Variants in ATP10B observed in about 807,000 individuals in gnomAD.
ATP10B encodes ATPase phospholipid transporting 10B (putative), also known as phospholipid-transporting ATPase VB.
A neutral mutation model predicts 141.2 loss-of-function variants in ATP10B; 122 were observed. The observed-to-expected ratio is 0.86, with a 90% CI of 0.75 to 1.00. The LOEUF is 1.00. Among genes scored for constraint, ATP10B ranks in the 50% least tolerant of loss-of-function variants. The pLI, the probability that ATP10B is intolerant of heterozygous loss-of-function variation, is 0.00. For missense variants in ATP10B, 1,876 were observed against 1,825.3 expected (o/e 1.03, Z -0.51); for synonymous variants, 685 against 692.0 (o/e 0.99, Z 0.16).
intron 16 of ATP10B, among the ~76,000 whole-genome samples, chr5:160,617,131 A>G (rs6556506): frequency 0.73 from 110,344 of 152,100 alleles, 40,676 homozygotes; most frequent in East Asian, 0.84. Context: ...GATTTATGCA[A>G]GAGAACCCAT....
chr5:160,617,122 A>G (rs1486298643), intron 16 of ATP10B, among the ~76,000 whole-genome samples: 2 of 152,168 alleles, frequency 1.3e-5, no homozygotes, highest in Admixed American at 1.3e-4. Flanking sequence ...AGTCCTGGGG[A>G]TTTATGCAAG....
At chr5:160,909,740 G>A in the ATP10B span, among the ~76,000 whole-genome samples, 7 of 152,108 alleles carry the variant, frequency 4.6e-5, no homozygotes, top group Non-Finnish European at 8.8e-5. Flanking sequence ...GCTAAGTGAC[G>A]ATAACGTATT....
chr5:160,754,568 T>G (rs1768381766), intron 2 of ATP10B, among the ~76,000 whole-genome samples: 1 of 152,240 alleles, frequency 6.6e-6, no homozygotes, highest in African/African-American at 2.4e-5. Context: ...CCTTTGACTC[T>G]AAAATGATTG....
At position 160,788,000 on chromosome 5, in the gene ATP10B, G is replaced by C. The variant is rs943159484; in HGVS notation, c.-575-2197C>G. Among the ~76,000 whole-genome samples, 6 of 152,098 alleles carry C rather than the reference G, an allele frequency of 3.9e-5. No homozygotes were observed. In the East Asian group the frequency reaches 9.6e-4, roughly 24 times the overall value. On this transcript the variant is annotated intron_variant, in intron 1 of 25. Coordinates refer to ENST00000327245, the MANE Select transcript of ATP10B (RefSeq NM_025153.3). Reference sequence around the variant, plus strand: ...TAATGGTCCAGTGATGGTTAGATGGGGTAAAGTTTTGCCCCTGTCCTCATC... The same window carrying C: ...TAATGGTCCAGTGATGGTTAGATGGCGTAAAGTTTTGCCCCTGTCCTCATC...
At chr5:160,732,515 A>C (rs1387494985) in intron 2 of ATP10B, among the ~76,000 whole-genome samples, 1 of 152,180 alleles carries the variant, frequency 6.6e-6, no homozygotes, top group Non-Finnish European at 1.5e-5. Flanking sequence ...ATTCTTCTGC[A>C]TATGGATATG....
At chr5:160,588,218 T>C (rs1183563493) in intron 24 of ATP10B, among the ~76,000 whole-genome samples, 2 of 152,194 alleles carry the variant, frequency 1.3e-5, no homozygotes, top group African/African-American at 4.8e-5. Flanking sequence ...TCTCTTTCTA[T>C]TTGAATACCC....
intron 21 of ATP10B, among the ~76,000 whole-genome samples, chr5:160,600,620 C>T (rs532787097): frequency 4.6e-5 from 7 of 152,146 alleles, no homozygotes; most frequent in East Asian, 1.9e-4. Flanking sequence ...GGAGTTTCAG[C>T]GTTACAGAGT....
chr5:160,631,942 T>G (rs1166489003), intron 13 of ATP10B, among the ~76,000 whole-genome samples, 187 bp downstream of exon 13: 2 of 152,224 alleles, frequency 1.3e-5, no homozygotes, highest in African/African-American at 4.8e-5. Flanking sequence ...TTCTAAACAT[T>G]GAACATTTCT....
the ATP10B span, among the ~76,000 whole-genome samples, chr5:160,923,703 A>G: frequency 6.6e-6 from 1 of 152,212 alleles, no homozygotes; most frequent in Admixed American, 6.5e-5. Context: ...GATTTTCTTG[A>G]CGTACAGCCA....
intron 21 of ATP10B, among the ~76,000 whole-genome samples, chr5:160,601,382 T>C (rs369463952): frequency 6.6e-6 from 1 of 152,204 alleles, no homozygotes; most frequent in Non-Finnish European, 1.5e-5. Flanking sequence ...CTTTTACTTA[T>C]GCAAAGAGGA....
intron 24 of ATP10B, among the ~76,000 whole-genome samples, chr5:160,587,742 G>A (rs1364860620): frequency 1.3e-5 from 2 of 152,194 alleles, no homozygotes; most frequent in Non-Finnish European, 2.9e-5. Context: ...TCTATTGTTG[G>A]TGTATAGGAA....
chr5:160,925,639 G>A, the ATP10B span, among the ~76,000 whole-genome samples: 2 of 152,228 alleles, frequency 1.3e-5, no homozygotes, highest in Non-Finnish European at 2.9e-5. Context: ...ATGGGATACA[G>A]TAGCTGCAAA....
chr5:160,634,123 G>A (rs1160625605), intron 12 of ATP10B: 1 of 674,818 alleles, frequency 1.5e-6, no homozygotes, highest in South Asian at 1.6e-5. Flanking sequence ...CAGCTGAAGG[G>A]GAACCACATA....
the ATP10B span, among the ~76,000 whole-genome samples, chr5:160,859,638 C>G: frequency 6.6e-6 from 1 of 151,724 alleles, no homozygotes; most frequent in Non-Finnish European, 1.5e-5. Flanking sequence ...CAGTAAAAAA[C>G]AGAAAGCAAA....
chr5:160,877,809 C>T, the ATP10B span, among the ~76,000 whole-genome samples: 3 of 123,730 alleles, frequency 2.4e-5, no homozygotes, highest in African/African-American at 5.2e-5. Context: ...AATAAAATAC[C>T]TAGGAATCCA....
intron 18 of ATP10B, among the ~76,000 whole-genome samples, chr5:160,611,422 G>A (rs1195540888): frequency 1.3e-5 from 2 of 152,122 alleles, no homozygotes; most frequent in Non-Finnish European, 2.9e-5. Context: ...GGACAGGCAG[G>A]CACAGGGATC....
intron 1 of ATP10B, among the ~76,000 whole-genome samples, chr5:160,813,773 T>A (rs1432551034): frequency 6.6e-6 from 1 of 152,166 alleles, no homozygotes; most frequent in Non-Finnish European, 1.5e-5. Flanking sequence ...AGGGTACTCC[T>A]CTGAGACAAA....
At position 160,830,791 on chromosome 5, in the gene ATP10B, A is replaced by T. The variant is rs142063677; in HGVS notation, c.-576+21150T>A. Among the ~76,000 whole-genome samples, 39 of 152,254 alleles carry T rather than the reference A, an allele frequency of 2.6e-4. No individual in the cohort carries two copies. In the East Asian group the frequency reaches 6.9e-3, roughly 27 times the overall value. ...GACAGCAAATATAATGGAATCTAGA[A>T]GGATCACTGACAAGTGAAAATTTTA... On this transcript the variant is annotated intron_variant, in intron 1 of 25. Coordinates refer to ENST00000327245, the MANE Select transcript of ATP10B (RefSeq NM_025153.3).
chr5:160,901,540 A>G, the ATP10B span, among the ~76,000 whole-genome samples: 1 of 152,178 alleles, frequency 6.6e-6, no homozygotes, highest in Non-Finnish European at 1.5e-5. Context: ...AGGGCAACCA[A>G]TAAACATGCC....
Sources: allele counts gnomAD v4.1 joint callset (sites outside exome capture counted in the v4.1 genomes callset), GRCh38; gene constraint gnomAD v4.1.1; transcripts MANE v1.5; gene names NCBI Gene and HGNC (gene_info 2026-07-23, HGNC 2026-07-21).